The following LYPD6B variants were observed in gnomAD, a reference collection of about 807,000 sequenced individuals.
LYPD6B encodes ly6/PLAUR domain-containing protein 6B.
Under a neutral mutation model 22.8 loss-of-function variants are expected in LYPD6B, and 17 were observed. That is an observed-to-expected ratio of 0.75 (90% CI 0.51 to 1.12). The LOEUF (loss-of-function observed/expected upper bound fraction) is 1.12, where lower values mean the gene tolerates loss of function less well. Ranked by LOEUF, LYPD6B falls within the 50% of genes most tolerant of loss-of-function variation. The pLI is 0.00. For missense variants in LYPD6B, 221 were observed against 258.3 expected (o/e 0.86, Z 0.99); for synonymous variants, 106 against 91.6 (o/e 1.16, Z -0.90).
intron 5 of LYPD6B, among the ~76,000 whole-genome samples, chr2:149,211,034 C>T (rs976066450): frequency 6.6e-6 from 1 of 152,236 alleles, no homozygotes; most frequent in South Asian, 2.1e-4. Flanking sequence ...AGGAAACTTA[C>T]AATCATGGCA....
intron 1 of LYPD6B, among the ~76,000 whole-genome samples, chr2:149,120,784 C>CT (rs567231544): frequency 0.016 from 1,534 of 95,396 alleles, 150 homozygotes; most frequent in African/African-American, 0.033. Context: ...GCTACAAAGT[C>CT]TTTTTTTTTT....
intron 3 of LYPD6B, among the ~76,000 whole-genome samples, chr2:149,201,580 T>C (rs915441231): frequency 6.6e-6 from 1 of 152,296 alleles, no homozygotes; most frequent in Middle Eastern, 3.4e-3. Flanking sequence ...ATAAAAGTCA[T>C]GTTAACACAA....
chr2:149,163,814 G>T (rs956176374), intron 3 of LYPD6B, among the ~76,000 whole-genome samples: 9 of 152,094 alleles, frequency 5.9e-5, no homozygotes, highest in African/African-American at 2.2e-4. Context: ...GCTCTAACCT[G>T]GGGGGTCAAC....
chr2:149,068,507 A>G, intron 1 of LYPD6B: 1 of 252,674 alleles, frequency 4.0e-6, no homozygotes, highest in Non-Finnish European at 8.5e-6. Context: ...TTGGGTATAT[A>G]GTCTCCATAC....
chr2:149,147,088 C>T (rs1325326914), intron 2 of LYPD6B, among the ~76,000 whole-genome samples: 1 of 152,130 alleles, frequency 6.6e-6, no homozygotes, highest in Non-Finnish European at 1.5e-5. Flanking sequence ...AGCTTCTCAG[C>T]GGTTCCCAGA....
At chr2:149,164,362 C>T (rs1217214493) in intron 3 of LYPD6B, among the ~76,000 whole-genome samples, 1 of 152,120 alleles carries the variant, frequency 6.6e-6, no homozygotes, top group African/African-American at 2.4e-5. Flanking sequence ...AAAATGAAGG[C>T]ATTCTGGGCT....
intron 2 of LYPD6B, among the ~76,000 whole-genome samples, chr2:149,158,570 C>T (rs558649320): frequency 7.2e-5 from 11 of 152,074 alleles, no homozygotes; most frequent in East Asian, 1.9e-4. Context: ...CTGTTTCAGA[C>T]GACAAAAAAG....
intron 1 of LYPD6B, among the ~76,000 whole-genome samples, chr2:149,125,147 G>A (rs1256069887): frequency 6.6e-6 from 1 of 152,048 alleles, no homozygotes; most frequent in Non-Finnish European, 1.5e-5. Flanking sequence ...CCAAACCTCT[G>A]GATTGGTAAA....
intron 1 of LYPD6B, among the ~76,000 whole-genome samples, chr2:149,122,227 C>A (rs943661352): frequency 6.6e-6 from 1 of 152,056 alleles, no homozygotes; most frequent in Non-Finnish European, 1.5e-5. Context: ...CTGCCGAGAT[C>A]GTGTCACAAG....
intron 3 of LYPD6B, among the ~76,000 whole-genome samples, chr2:149,185,690 G>A (rs1032621987): frequency 6.6e-6 from 1 of 152,160 alleles, no homozygotes; most frequent in African/African-American, 2.4e-5. Context: ...CACAAAGATT[G>A]CATTTTCTGC....
chr2:149,183,492 G>A (rs988121093), intron 3 of LYPD6B, among the ~76,000 whole-genome samples: 2 of 152,000 alleles, frequency 1.3e-5, no homozygotes, highest in Non-Finnish European at 2.9e-5. Context: ...TCTACAATGT[G>A]TATAGATTTG....
At chr2:149,199,691 C>T (rs1352357026) in intron 3 of LYPD6B, among the ~76,000 whole-genome samples, 1 of 152,140 alleles carries the variant, frequency 6.6e-6, no homozygotes, top group East Asian at 1.9e-4. Context: ...ACATAGAATG[C>T]TAGCTTAAAT....
chr2:149,133,492 G>T (rs1342065742), intron 2 of LYPD6B, among the ~76,000 whole-genome samples: 9 of 152,160 alleles, frequency 5.9e-5, no homozygotes, highest in Admixed American at 5.9e-4. Context: ...CTAGGCATTG[G>T]TATTGATTTC....
At chr2:149,128,220 A>G (rs1014694006) in intron 1 of LYPD6B, among the ~76,000 whole-genome samples, 1 of 152,214 alleles carries the variant, frequency 6.6e-6, no homozygotes, top group Non-Finnish European at 1.5e-5. Context: ...ACCTAGTCAC[A>G]TCTGTCATGT....
At chr2:149,187,781 GTT>G (rs1692219680) in intron 3 of LYPD6B, 1 of 403,692 alleles carries the variant, frequency 2.5e-6, no homozygotes, top group Admixed American at 4.2e-5. Context: ...TTTTAAGAAA[GTT>G]TACAAAATTT....
At chr2:149,098,126 C>T (rs938647589) in intron 1 of LYPD6B, among the ~76,000 whole-genome samples, 2 of 152,052 alleles carry the variant, frequency 1.3e-5, no homozygotes, top group Admixed American at 1.3e-4. Flanking sequence ...ATAGACCCAG[C>T]TCTCATGTGC....
intron 1 of LYPD6B, among the ~76,000 whole-genome samples, chr2:149,044,696 G>A (rs1020080540): frequency 3.9e-5 from 6 of 151,994 alleles, no homozygotes; most frequent in African/African-American, 1.4e-4. Flanking sequence ...CATGGAGCAG[G>A]CAGCAATAAA....
At chr2:149,196,482 A>G (rs1692816366) in intron 3 of LYPD6B, among the ~76,000 whole-genome samples, 1 of 152,270 alleles carries the variant, frequency 6.6e-6, no homozygotes, top group Non-Finnish European at 1.5e-5. Flanking sequence ...TGGGGGCTTT[A>G]TAAACAATGG....
chr2:149,069,241 A>C (rs1226858156), intron 1 of LYPD6B, among the ~76,000 whole-genome samples: 1 of 151,932 alleles, frequency 6.6e-6, no homozygotes, highest in Non-Finnish European at 1.5e-5. Flanking sequence ...AATAATCATA[A>C]CTTTTTTTTA....
Sources: gnomAD v4.1 joint callset for allele counts (sites outside exome capture counted in the v4.1 genomes callset) on GRCh38, gnomAD v4.1.1 for gene constraint, MANE v1.5 for transcripts, NCBI Gene and HGNC (gene_info 2026-07-23, HGNC 2026-07-21) for gene names.